ADAM20: variants seen among roughly 807,000 people sequenced by gnomAD.
The protein encoded by ADAM20 is ADAM metallopeptidase domain 20, also known as disintegrin and metalloproteinase domain-containing protein 20.
For synonymous variants in ADAM20, 305 were observed against 310.2 expected (o/e 0.98, Z 0.18); for missense variants, 871 against 883.2 (o/e 0.99, Z 0.18).
chr14:70,573,467 C>T, the ADAM20 span, among the ~76,000 whole-genome samples: 1 of 152,188 alleles, frequency 6.6e-6, no homozygotes, highest in East Asian at 1.9e-4. Context: ...GGAAAAACTA[C>T]CTATTGGGTA....
At chr14:70,564,017 T>C in the ADAM20 span, among the ~76,000 whole-genome samples, 1 of 152,224 alleles carries the variant, frequency 6.6e-6, no homozygotes, top group African/African-American at 2.4e-5. Flanking sequence ...CCATGACTTC[T>C]CCCATGAGTG....
At chr14:70,534,557 T>C (rs1489144443) in intron 1 of ADAM20, among the ~76,000 whole-genome samples, 2 of 152,152 alleles carry the variant, frequency 1.3e-5, no homozygotes, top group African/African-American at 2.4e-5. Flanking sequence ...CTAAGTGAAA[T>C]AAGCCAGTCA....
the ADAM20 span, among the ~76,000 whole-genome samples, chr14:70,552,988 G>A: frequency 2.0e-5 from 1 of 51,052 alleles, no homozygotes; most frequent in Non-Finnish European, 3.6e-5. Flanking sequence ...CATAAAAAAT[G>A]ATGAGTTCAT....
At chr14:70,572,083 C>G in the ADAM20 span, among the ~76,000 whole-genome samples, 1 of 152,144 alleles carries the variant, frequency 6.6e-6, no homozygotes, top group Non-Finnish European at 1.5e-5. Context: ...CAACACAATT[C>G]CTATGAAATT....
the ADAM20 span, among the ~76,000 whole-genome samples, chr14:70,566,904 C>A: frequency 5.9e-5 from 9 of 152,118 alleles, no homozygotes; most frequent in Admixed American, 2.0e-4. Context: ...ATTGCTCGAA[C>A]CCAGGAGGCG....
At chr14:70,572,497 C>T in the ADAM20 span, among the ~76,000 whole-genome samples, 1 of 152,082 alleles carries the variant, frequency 6.6e-6, no homozygotes, top group Non-Finnish European at 1.5e-5. Flanking sequence ...TATAAAAATC[C>T]TAGAAGAAAA....
At chr14:70,556,468 C>A in the ADAM20 span, 1 of 152,310 alleles carries the variant, frequency 6.6e-6, no homozygotes, top group Non-Finnish European at 1.5e-5. Flanking sequence ...TCTCAGCACC[C>A]CTTTGGAAAA....
chr14:70,570,241 C>T, the ADAM20 span, among the ~76,000 whole-genome samples: 1 of 151,768 alleles, frequency 6.6e-6, no homozygotes, highest in African/African-American at 2.4e-5. Flanking sequence ...CTTAGGAAAA[C>T]AAACCAAATC....
rs1056718215 is a variant in ADAM20 at position 70,534,897 on chromosome 14, A to C, written c.-277T>G. On this transcript the variant is annotated 5_prime_UTR_variant, in exon 1 of 2. Transcript: ENST00000256389. ...TCCTTGGTGTGTTTTTCTTTTTTGG[A>C]CAGGATATTGACAGACACAAGACTT... The C allele has an allele frequency of 6.6e-6, 1 of 151,848 alleles. No individual in the cohort carries two copies. The highest frequency in any genetic ancestry group is 2.4e-5 in the African/African-American group (1 of 41,328). 9.4% of individuals were successfully genotyped at this position (151,848 alleles called of 1,614,324 possible).
upstream of ADAM20, among the ~76,000 whole-genome samples, chr14:70,536,748 G>A (rs999093563): frequency 2.0e-5 from 3 of 151,744 alleles, no homozygotes; most frequent in Non-Finnish European, 2.9e-5. Context: ...TCCCCAACCA[G>A]AGACATGCCA....
At chr14:70,527,269 G>C (rs1021043815) in intron 1 of ADAM20, among the ~76,000 whole-genome samples, 14 of 152,088 alleles carry the variant, frequency 9.2e-5, no homozygotes, top group Admixed American at 7.2e-4. Flanking sequence ...TTCAATTTCA[G>C]TGAAAGATGT....
chr14:70,538,467 A>G (rs1883881032), upstream of ADAM20, among the ~76,000 whole-genome samples: 2 of 152,210 alleles, frequency 1.3e-5, no homozygotes, highest in Admixed American at 1.3e-4. Flanking sequence ...AATTAAAATG[A>G]ATATCCAAGC....
chr14:70,555,352 G>A, the ADAM20 span, among the ~76,000 whole-genome samples: 1 of 152,062 alleles, frequency 6.6e-6, no homozygotes, highest in Non-Finnish European at 1.5e-5. Flanking sequence ...TACTTCATAA[G>A]GCAAGTGTAT....
the ADAM20 span, among the ~76,000 whole-genome samples, chr14:70,564,400 G>A: frequency 3.3e-5 from 5 of 152,168 alleles, no homozygotes; most frequent in African/African-American, 1.2e-4. Flanking sequence ...AGGAACAAGA[G>A]ACGAAGGGAG....
chr14:70,539,798 C>G (rs1252982851), upstream of ADAM20, among the ~76,000 whole-genome samples: 3 of 152,132 alleles, frequency 2.0e-5, no homozygotes, highest in African/African-American at 7.2e-5. Flanking sequence ...GACCATCTCA[C>G]CTCATAATCA....
the ADAM20 span, among the ~76,000 whole-genome samples, chr14:70,543,276 GA>G: frequency 2.0e-5 from 3 of 152,170 alleles, no homozygotes; most frequent in African/African-American, 7.2e-5. Flanking sequence ...ACCCTTGGGG[GA>G]ATGCTTTACC....
At chr14:70,541,517 G>A in the ADAM20 span, among the ~76,000 whole-genome samples, 1 of 151,942 alleles carries the variant, frequency 6.6e-6, no homozygotes, top group South Asian at 2.1e-4. Context: ...AAATTATACA[G>A]GGTTAAAAAA....
rs1273392724 is a variant in ADAM20, at chr14:70,522,640, T to C, written c.2118A>G (p.Leu706=). Residue 706 remains leucine (L), a synonymous_variant, in exon 2 of 2, where the codon TTA becomes TTG. Coordinates refer to ENST00000256389, the MANE Select transcript of ADAM20 (RefSeq NM_003814.5). ...TAAAAAGCACATGTAAGCAAAATAA[T>C]AAAAAAGCAACCAAAGGAAGAAGGC... ...LLCLLPLVAF[L]LFCLHVLFKK... The C allele has an allele frequency of 1.2e-6, 2 of 1,613,794 alleles. No homozygotes were observed. Among genetic ancestry groups the C allele is most frequent in the South Asian group, 1.1e-5 (1 of 91,044 alleles).
chr14:70,529,913 T>C lies in ADAM20; in HGVS notation c.-177+4884A>G, dbSNP rs114881566. Among the ~76,000 whole-genome samples the C allele has an allele frequency of 9.3e-3, 1,414 of 152,358 alleles. 25 individuals carry two copies. Among genetic ancestry groups the C allele is most frequent in the African/African-American group, 0.032 (1,327 of 41,594 alleles). On this transcript the variant is annotated intron_variant, in intron 1 of 1. Transcript: ENST00000256389. ...ATAACTTTTTTACTTTATATACTTT[T>C]AATTTTTCAACTTCTTGACTGTTTT...
Sources: gnomAD v4.1 joint callset for allele counts (sites outside exome capture counted in the v4.1 genomes callset) on GRCh38, gnomAD v4.1.1 for gene constraint, MANE v1.5 for transcripts, NCBI Gene and HGNC (gene_info 2026-07-23, HGNC 2026-07-21) for gene names.